The following VPS13B variants were observed in gnomAD, a reference collection of about 807,000 sequenced individuals.
VPS13B encodes intermembrane lipid transfer protein VPS13B.
Under a neutral mutation model 426.4 loss-of-function variants are expected in VPS13B, and 285 were observed. That is an observed-to-expected ratio of 0.67 (90% CI 0.61 to 0.74). The LOEUF (loss-of-function observed/expected upper bound fraction) is 0.74, where lower values mean the gene tolerates loss of function less well. VPS13B is among the 30% of genes least tolerant of loss of function. The probability of loss-of-function intolerance (pLI) is 0.00; values close to 1 mark genes in which losing one functional copy is unlikely to be tolerated. For synonymous variants in VPS13B, 1,676 were observed against 1,676.4 expected, an observed-to-expected ratio of 1.00 and a Z score of 0.01; for missense variants, 4,537 against 4,782.6, an observed-to-expected ratio of 0.95 and a Z score of 1.51.
chr8:99,572,474 C>T (rs1236915922), intron 31 of VPS13B, among the ~76,000 whole-genome samples: 2 of 149,812 alleles, frequency 1.3e-5, no homozygotes, highest in Non-Finnish European at 3.0e-5. Flanking sequence ...CCACAACAGG[C>T]CCTGCTGTGT....
At chr8:99,658,977 G>A (rs1830120618) in intron 34 of VPS13B, among the ~76,000 whole-genome samples, 1 of 151,980 alleles carries the variant, frequency 6.6e-6, no homozygotes, top group Admixed American at 6.6e-5. Flanking sequence ...GGCATGGCAG[G>A]TGCCACCACG....
chr8:99,844,929 C>G (rs552846872), intron 54 of VPS13B, among the ~76,000 whole-genome samples: 59 of 152,172 alleles, frequency 3.9e-4, no homozygotes, highest in Non-Finnish European at 8.2e-4. Context: ...GTTCCAGACA[C>G]AGGCAACAGC....
Position 99,721,075 on chromosome 8 carries a change from G to A in VPS13B, c.7050+28G>A, listed in dbSNP as rs376796559. ...ATGTAATGACCATTCATTGTAAAATGAAAACATTGTGGGAAAGGGCTGATC... is the reference window on the plus strand; with the variant it reads ...ATGTAATGACCATTCATTGTAAAATAAAAACATTGTGGGAAAGGGCTGATC... On this transcript the variant is annotated intron_variant, in intron 39 of 61. Transcript: ENST00000357162. The A allele has an allele frequency of 5.8e-5, 94 of 1,611,874 alleles. No homozygotes were observed. The African/African-American group carries it at 1.2e-3, about 20-fold the overall frequency.
At chr8:99,184,965 C>T (rs1414547041) in intron 16 of VPS13B, among the ~76,000 whole-genome samples, 2 of 152,152 alleles carry the variant, frequency 1.3e-5, no homozygotes, top group African/African-American at 4.8e-5. Flanking sequence ...ACTTCAGCCT[C>T]AGGGACAGAG....
intron 34 of VPS13B, among the ~76,000 whole-genome samples, chr8:99,644,477 A>G (rs999946343): frequency 2.0e-5 from 3 of 152,192 alleles, no homozygotes; most frequent in African/African-American, 4.8e-5. Flanking sequence ...ACTTGTTTAA[A>G]GCGGGGAAAA....
chr8:99,731,425 C>T (rs1029095943), intron 39 of VPS13B, among the ~76,000 whole-genome samples: 2 of 152,098 alleles, frequency 1.3e-5, no homozygotes, highest in South Asian at 4.1e-4. Flanking sequence ...GGGAGTAAAA[C>T]CAGGATTCAA....
At chr8:99,380,812 G>A (rs1238073669) in intron 19 of VPS13B, among the ~76,000 whole-genome samples, 1 of 150,558 alleles carries the variant, frequency 6.6e-6, no homozygotes, top group Non-Finnish European at 1.5e-5. Flanking sequence ...CTGAGAACCA[G>A]CTATGGTTTA....
intron 17 of VPS13B, among the ~76,000 whole-genome samples, chr8:99,226,100 A>G (rs1816001809): frequency 6.6e-6 from 1 of 152,058 alleles, no homozygotes; most frequent in Admixed American, 6.5e-5. Flanking sequence ...GCCCGCCACC[A>G]TGCCCGGCTA....
At position 99,384,190 on chromosome 8, in the gene VPS13B, A is replaced by G. The variant is rs564748047; in HGVS notation, c.2825-18A>G. ...TTTATGAGGACTTATGTAACAGTTT[A>G]AAAATCTTGTCTTTTAGGTGCTGTA... On this transcript the variant is annotated intron_variant, in intron 19 of 61. Transcript: ENST00000357162. 1 of 1,601,738 alleles carries G rather than the reference A, an allele frequency of 6.2e-7. No homozygotes were observed. Among genetic ancestry groups the G allele is most frequent in the South Asian group, 1.1e-5 (1 of 90,880 alleles).
chr8:99,829,507 C>T (rs956364978), intron 51 of VPS13B, among the ~76,000 whole-genome samples: 7 of 152,170 alleles, frequency 4.6e-5, no homozygotes, highest in African/African-American at 1.7e-4. Context: ...AACCTTTTAT[C>T]GCGGTTCTTA....
At chr8:99,256,171 G>C (rs1817733799) in intron 17 of VPS13B, among the ~76,000 whole-genome samples, 1 of 152,104 alleles carries the variant, frequency 6.6e-6, no homozygotes, top group African/African-American at 2.4e-5. Flanking sequence ...CTGGCTTCTA[G>C]GATATATGAG....
intron 30 of VPS13B, among the ~76,000 whole-genome samples, chr8:99,539,286 A>C (rs1823424776): frequency 6.6e-6 from 1 of 152,210 alleles, no homozygotes; most frequent in African/African-American, 2.4e-5. Flanking sequence ...AGCATATTAA[A>C]ATATAGATAT....
intron 17 of VPS13B, among the ~76,000 whole-genome samples, chr8:99,254,150 T>C (rs1435761601): frequency 6.6e-6 from 1 of 152,208 alleles, no homozygotes; most frequent in Non-Finnish European, 1.5e-5. Context: ...TCTCTCCTGA[T>C]ATCCCAAAAA....
At chr8:99,483,936 C>G (rs1451429809) in intron 25 of VPS13B, among the ~76,000 whole-genome samples, 1 of 151,544 alleles carries the variant, frequency 6.6e-6, no homozygotes, top group Non-Finnish European at 1.5e-5. Context: ...ACATGATGGC[C>G]CTGATGTGAA....
intron 59 of VPS13B, among the ~76,000 whole-genome samples, chr8:99,870,091 C>T (rs1288869376): frequency 6.6e-6 from 1 of 152,150 alleles, no homozygotes; most frequent in Non-Finnish European, 1.5e-5. Flanking sequence ...AAGGGTGTGC[C>T]TTTGTATATA....
At chr8:99,341,512 C>T (rs1253710524) in intron 19 of VPS13B, 2 of 156,600 alleles carry the variant, frequency 1.3e-5, no homozygotes, top group African/African-American at 2.4e-5. Flanking sequence ...TCTTTGTCTT[C>T]AACTGGGGGG....
At chr8:99,747,411 G>T (rs1230557313) in intron 39 of VPS13B, among the ~76,000 whole-genome samples, 1 of 151,942 alleles carries the variant, frequency 6.6e-6, no homozygotes, top group Non-Finnish European at 1.5e-5. Context: ...GGATATATAG[G>T]TGAAAAAATT....
At chr8:99,391,509 T>C in intron 20 of VPS13B, 48 bp from the exon 21 acceptor site, 3 of 1,613,552 alleles carry the variant, frequency 1.9e-6, no homozygotes, top group Non-Finnish European at 2.5e-6. Flanking sequence ...GCTTAAGAAA[T>C]AGTGAAAAAC....
chr8:99,185,724 G>A (rs1001149804), intron 16 of VPS13B, among the ~76,000 whole-genome samples: 1 of 152,086 alleles, frequency 6.6e-6, no homozygotes, highest in Non-Finnish European at 1.5e-5. Flanking sequence ...TAATGGTATC[G>A]CTATGAACTT....
Sources: gnomAD v4.1 joint callset for allele counts (sites outside exome capture counted in the v4.1 genomes callset) on GRCh38, gnomAD v4.1.1 for gene constraint, MANE v1.5 for transcripts, NCBI Gene and HGNC (gene_info 2026-07-23, HGNC 2026-07-21) for gene names.